The following TINAG variants were observed in gnomAD, a reference collection of about 807,000 sequenced individuals.
TINAG encodes the protein tubulointerstitial nephritis antigen.
In TINAG, 83 loss-of-function variants were observed where a neutral mutation model predicts 72.7. That is an observed-to-expected ratio of 1.14 (90% CI 0.96 to 1.37). The LOEUF is 1.37. Ranked by LOEUF, TINAG falls within the 40% of genes most tolerant of loss-of-function variation. The pLI, the probability that TINAG is intolerant of heterozygous loss-of-function variation, is 0.00. For missense variants in TINAG, 685 were observed against 576.6 expected (o/e 1.19, Z -1.93); for synonymous variants, 234 against 189.9 (o/e 1.23, Z -1.91).
chr6:54,354,638 T>A lies in TINAG; in HGVS notation c.1250+2T>A. 6.2e-7 allele frequency: 1 copy of A among 1,603,004 alleles called. No individual in the cohort carries two copies. Among genetic ancestry groups the A allele is most frequent in the Non-Finnish European group, 8.5e-7 (1 of 1,175,880 alleles). ...GACACATGCAGTCAAACTCACTGGG[T>A]AAGGCAATTAAACAAAATTCATTTA... is the stretch of plus-strand genomic sequence containing the variant. On this transcript the variant is annotated splice_donor_variant, in intron 9 of 10. Coordinates refer to ENST00000259782, the MANE Select transcript of TINAG (RefSeq NM_014464.4). LOFTEE classifies it high-confidence loss of function.
chr6:54,361,566 G>A (rs554462709), intron 9 of TINAG, among the ~76,000 whole-genome samples: 214 of 151,746 alleles, frequency 1.4e-3, no homozygotes, highest in African/African-American at 4.4e-3. Flanking sequence ...CTCCCACTAA[G>A]CCCCTCCATA....
intron 6 of TINAG, among the ~76,000 whole-genome samples, chr6:54,349,382 A>G (rs1785205789): frequency 6.6e-6 from 1 of 152,050 alleles, no homozygotes; most frequent in Non-Finnish European, 1.5e-5. Flanking sequence ...AATTATATAA[A>G]CAGGTTGAAG....
intron 4 of TINAG, among the ~76,000 whole-genome samples, chr6:54,337,489 G>A (rs986127669): frequency 1.3e-5 from 2 of 151,972 alleles, no homozygotes; most frequent in Non-Finnish European, 2.9e-5. Context: ...CCTGCCCTCA[G>A]GTGATCCGCC....
intron 9 of TINAG, among the ~76,000 whole-genome samples, chr6:54,356,993 C>A (rs1338729576): frequency 6.6e-6 from 1 of 151,544 alleles, no homozygotes; most frequent in African/African-American, 2.4e-5. Context: ...TTACAGCAAA[C>A]TCCTTGCAAG....
chr6:54,311,293 TC>T (rs1440851723), intron 1 of TINAG, among the ~76,000 whole-genome samples: 1 of 152,118 alleles, frequency 6.6e-6, no homozygotes, highest in Non-Finnish European at 1.5e-5. Flanking sequence ...CTCATCTAAC[TC>T]CCTGTTCCCT....
chr6:54,352,832 G>A (rs1427451414), intron 8 of TINAG, among the ~76,000 whole-genome samples: 1 of 150,150 alleles, frequency 6.7e-6, no homozygotes, highest in African/African-American at 2.4e-5. Flanking sequence ...TTATTTTATG[G>A]CCATATACTG....
intron 9 of TINAG, among the ~76,000 whole-genome samples, chr6:54,374,968 A>G (rs1173929003): frequency 1.3e-5 from 2 of 152,150 alleles, no homozygotes; most frequent in African/African-American, 4.8e-5. Context: ...GAAAACATGA[A>G]TTTGAATCCC....
chr6:54,350,992 G>A (rs539828760), intron 7 of TINAG, among the ~76,000 whole-genome samples: 2 of 151,824 alleles, frequency 1.3e-5, no homozygotes, highest in South Asian at 2.1e-4. Context: ...AGAAATATTT[G>A]TACTAAAGCT....
At chr6:54,356,174 A>G (rs776296685) in intron 9 of TINAG, among the ~76,000 whole-genome samples, 1 of 151,870 alleles carries the variant, frequency 6.6e-6, no homozygotes, top group Non-Finnish European at 1.5e-5. Context: ...TAAAAAGTGT[A>G]TCATTTTTAA....
Position 54,338,487 on chromosome 6 carries a change from C to A in TINAG, c.625-4739C>A, listed in dbSNP as rs111897139. On this transcript the variant is annotated intron_variant, in intron 4 of 10. Coordinates refer to ENST00000259782, the MANE Select transcript of TINAG (RefSeq NM_014464.4). ...CTGTAATCTCAGCACTTTGGGAGGC[C>A]GAGGTGGGCGGATCACAAGGTCAGG... is the stretch of plus-strand genomic sequence containing the variant. 2.3e-3 allele frequency among the ~76,000 whole-genome samples: 351 copies of A among 151,758 alleles called. 2 individuals are homozygous for A. Among genetic ancestry groups the A allele is most frequent in the Middle Eastern group, 0.02 (6 of 294 alleles).
In TINAG at chr6:54,374,224, C is replaced by T. The variant is rs553439987; in HGVS notation, c.1251-6302C>T. 7.9e-5 allele frequency among the ~76,000 whole-genome samples: 12 copies of T among 152,184 alleles called. No homozygotes were observed. The South Asian group carries it at 2.5e-3, about 32-fold the overall frequency. On this transcript the variant is annotated intron_variant, in intron 9 of 10. Coordinates refer to ENST00000259782, the MANE Select transcript of TINAG (RefSeq NM_014464.4). ...CTGTTTAGATAATTAACGTTAGGTA[C>T]ACAGGATCATGTGTGATATTAATAT...
At chr6:54,368,387 A>C (rs1009403984) in intron 9 of TINAG, among the ~76,000 whole-genome samples, 2 of 148,548 alleles carry the variant, frequency 1.3e-5, no homozygotes, top group East Asian at 3.9e-4. Flanking sequence ...TTATTATTAT[A>C]CATTATTAAA....
chr6:54,370,880 A>G (rs1385220864), intron 9 of TINAG, among the ~76,000 whole-genome samples: 6 of 152,072 alleles, frequency 3.9e-5, no homozygotes, highest in African/African-American at 7.2e-5. Context: ...CTTGTTTGAC[A>G]CTGGTCCTTC....
At chr6:54,344,410 G>A (rs1785071280) in intron 5 of TINAG, among the ~76,000 whole-genome samples, 4 of 152,124 alleles carry the variant, frequency 2.6e-5, no homozygotes, top group Admixed American at 2.6e-4. Flanking sequence ...TCCTTGATGT[G>A]TCAGGGACCC....
intron 9 of TINAG, among the ~76,000 whole-genome samples, chr6:54,368,290 TTA>T (rs1377744712): frequency 3.4e-5 from 5 of 147,696 alleles, no homozygotes; most frequent in South Asian, 2.1e-4. Context: ...TATTATATAA[TTA>T]TATGTTATAT....
intron 9 of TINAG, among the ~76,000 whole-genome samples, chr6:54,358,857 C>T (rs994251838): frequency 6.6e-6 from 1 of 151,636 alleles, no homozygotes; most frequent in South Asian, 2.1e-4. Flanking sequence ...GTGGGTAGTA[C>T]GGGAAGGGAT....
chr6:54,353,306 C>A (rs954002811), intron 8 of TINAG, among the ~76,000 whole-genome samples: 1 of 151,816 alleles, frequency 6.6e-6, no homozygotes, highest in Non-Finnish European at 1.5e-5. Flanking sequence ...GCAATATCTT[C>A]ACATTTTTAT....
intron 10 of TINAG, among the ~76,000 whole-genome samples, chr6:54,381,059 C>T (rs7763022): frequency 0.11 from 16,061 of 146,064 alleles, 1,608 homozygotes; most frequent in East Asian, 0.34. Context: ...TATATATATA[C>T]ACATATATGT....
chr6:54,356,025 A>G (rs1763027409), intron 9 of TINAG, among the ~76,000 whole-genome samples: 1 of 151,890 alleles, frequency 6.6e-6, no homozygotes, highest in Non-Finnish European at 1.5e-5. Context: ...GGTTTGAAAG[A>G]AACACTTTTC....
Sources: gnomAD v4.1 joint callset for allele counts (sites outside exome capture counted in the v4.1 genomes callset) on GRCh38, gnomAD v4.1.1 for gene constraint, MANE v1.5 for transcripts, NCBI Gene and HGNC (gene_info 2026-07-23, HGNC 2026-07-21) for gene names.